The following RAI1 variants were observed in gnomAD, a reference collection of about 807,000 sequenced individuals.
RAI1 encodes retinoic acid-induced protein 1.
RAI1 carries 9 observed loss-of-function variants against 123.8 expected under a neutral mutation model. The observed-to-expected ratio is 0.07, with a 90% confidence interval of 0.04 to 0.13. The LOEUF is 0.13. Ranked by LOEUF, RAI1 falls within the 10% of genes least tolerant of loss-of-function variation. RAI1 has a pLI of 1.00. For synonymous variants in RAI1, 1,231 were observed against 1,127.3 expected, an observed-to-expected ratio of 1.09 and a Z score of -1.84; for missense variants, 2,256 against 2,545.8, an observed-to-expected ratio of 0.89 and a Z score of 2.45.
intron 1 of RAI1, among the ~76,000 whole-genome samples, chr17:17,703,749 T>A (rs1213021016): frequency 3.9e-5 from 6 of 152,188 alleles, no homozygotes. Context: ...CAAACGATCC[T>A]TCCGCCTTGG....
intron 2 of RAI1, among the ~76,000 whole-genome samples, chr17:17,724,469 T>G (rs1466391354): frequency 8.3e-6 from 1 of 120,964 alleles, no homozygotes; most frequent in East Asian, 2.6e-4. Context: ...GATTCCCCCC[T>G]CCCCTTTCCT....
chr17:17,754,287 C>T (rs1785346530), intron 2 of RAI1, among the ~76,000 whole-genome samples: 1 of 149,918 alleles, frequency 6.7e-6, no homozygotes, highest in Non-Finnish European at 1.5e-5. Context: ...TCACCGCAAC[C>T]TCCGCCTCCT....
In RAI1 at chr17:17,795,462, G is replaced by A. The variant is rs1389298358; in HGVS notation, c.2514G>A (p.Leu838=). Residue 838 remains leucine (L), a synonymous_variant, in exon 3 of 6, where the codon CTG becomes CTA. Transcript: ENST00000353383. This position sits in a 1 kb window ranked among gnomAD's most constrained non-coding sequence, Gnocchi z 5.9. Reference sequence around the variant, plus strand: ...AGGTGGCCAAGGCTGACCGGTGGCTGGAGGACAGCCGGCACTGCTGTTCCA... The same window carrying A: ...AGGTGGCCAAGGCTGACCGGTGGCTAGAGGACAGCCGGCACTGCTGTTCCA... ...CPEVAKADRW[L]EDSRHCCSTA... 1.3e-6 allele frequency: 2 copies of A among 1,586,380 alleles called. No individual in the cohort carries two copies. The highest frequency in any genetic ancestry group is 1.3e-5 in the African/African-American group (1 of 74,600).
intron 1 of RAI1, among the ~76,000 whole-genome samples, chr17:17,693,620 C>T (rs1413527362): frequency 6.6e-6 from 1 of 152,242 alleles, no homozygotes; most frequent in African/African-American, 2.4e-5. Context: ...GGCCGCCCCT[C>T]CTTCCCTTCA....
intron 2 of RAI1, chr17:17,778,352 C>T (rs759182781): frequency 6.8e-5 from 16 of 233,628 alleles, no homozygotes; most frequent in Non-Finnish European, 1.0e-4. Flanking sequence ...AACTGGTGGC[C>T]CTGGAAGTTG....
rs1915569694 is a variant in RAI1 at position 17,711,628 on chromosome 17, TTAGAGGACC to T, written c.-148-12396_-148-12388del. Among the ~76,000 whole-genome samples the T allele has an allele frequency of 2.6e-5, 4 of 152,174 alleles. No individual in the cohort carries two copies. In the South Asian group the frequency reaches 8.3e-4, roughly 32 times the overall value. On this transcript the variant is annotated intron_variant, in intron 1 of 5. Coordinates refer to ENST00000353383, the MANE Select transcript of RAI1 (RefSeq NM_030665.4). ...GTCTTGGTACAAGGTGAGGCAAACC[TTAGAGGACC>T]TAGGATGAAGTTTCACGTAAAGGAA... is the stretch of plus-strand genomic sequence containing the variant.
intron 2 of RAI1, among the ~76,000 whole-genome samples, chr17:17,749,593 TC>T (rs1380470422): frequency 1.3e-5 from 2 of 152,076 alleles, no homozygotes; most frequent in African/African-American, 4.8e-5. Context: ...CGCTTCATCT[TC>T]CCCCCCTCTT....
intron 2 of RAI1, among the ~76,000 whole-genome samples, chr17:17,770,314 G>A (rs1441843978): frequency 5.3e-5 from 8 of 149,802 alleles, no homozygotes; most frequent in Admixed American, 2.7e-4. Flanking sequence ...TAATGGCCCC[G>A]AAAAAAAAAC....
intron 1 of RAI1, among the ~76,000 whole-genome samples, chr17:17,722,102 G>A (rs916041069): frequency 6.6e-6 from 1 of 152,146 alleles, no homozygotes; most frequent in Non-Finnish European, 1.5e-5. Flanking sequence ...GGAAGTGGAG[G>A]TGGAGGCCGA....
intron 1 of RAI1, among the ~76,000 whole-genome samples, chr17:17,696,103 A>C (rs1915021374): frequency 1.3e-5 from 2 of 152,216 alleles, no homozygotes; most frequent in African/African-American, 4.8e-5. Context: ...GATTATTGAT[A>C]TGTTGGTTGT....
chr17:17,692,908 C>T (rs973529753), intron 1 of RAI1, among the ~76,000 whole-genome samples: 1 of 152,178 alleles, frequency 6.6e-6, no homozygotes, highest in African/African-American at 2.4e-5. Flanking sequence ...GGGAGCCAGG[C>T]AAGATTGCAA....
At chr17:17,711,097 AC>A (rs765596219) in intron 1 of RAI1, among the ~76,000 whole-genome samples, 2 of 152,220 alleles carry the variant, frequency 1.3e-5, no homozygotes, top group Non-Finnish European at 2.9e-5. Flanking sequence ...GGGCCGCAGT[AC>A]CCGGAAAACC....
At chr17:17,698,505 G>A (rs1036446203) in intron 1 of RAI1, among the ~76,000 whole-genome samples, 1 of 152,086 alleles carries the variant, frequency 6.6e-6, no homozygotes, top group Non-Finnish European at 1.5e-5. Context: ...CCTTTATATT[G>A]AATGTGTCTG....
At chr17:17,719,483 T>G (rs1915810409) in intron 1 of RAI1, among the ~76,000 whole-genome samples, 1 of 152,200 alleles carries the variant, frequency 6.6e-6, no homozygotes, top group African/African-American at 2.4e-5. Context: ...TCAAGTGTGT[T>G]CTCAAATGCT....
intron 2 of RAI1, among the ~76,000 whole-genome samples, chr17:17,789,157 C>T (rs1016430663): frequency 1.3e-5 from 2 of 152,348 alleles, no homozygotes; most frequent in East Asian, 1.9e-4. Flanking sequence ...GAGCCCCTCA[C>T]GGGGGCTCAG....
chr17:17,683,897 A>G (rs1445649291), intron 1 of RAI1: 1 of 152,242 alleles, frequency 6.6e-6, no homozygotes, highest in African/African-American at 2.4e-5. Flanking sequence ...TTTTTGAGAC[A>G]GGGTCTTGCT....
At chr17:17,723,772 CCG>C (rs1348690440) in intron 1 of RAI1, among the ~76,000 whole-genome samples, 1 of 149,742 alleles carries the variant, frequency 6.7e-6, no homozygotes, top group Non-Finnish European at 1.5e-5. Flanking sequence ...GCGCCCCTCC[CCG>C]CGCGCGCCCC....
At chr17:17,767,120 T>G (rs1400726033) in intron 2 of RAI1, among the ~76,000 whole-genome samples, 3 of 152,142 alleles carry the variant, frequency 2.0e-5, no homozygotes, top group Non-Finnish European at 2.9e-5. Flanking sequence ...AGCCCTTTGC[T>G]GGGGTGCACA....
rs372471273 is a variant in RAI1 at position 17,794,912 on chromosome 17, A to T, written c.1964A>T (p.Lys655Met). The change falls in exon 3 of 6, where the codon AAG (lysine) becomes ATG (methionine). Residue 655 changes from lysine (K) to methionine (M), a missense_variant. This residue lies in a region of RAI1 where 566 missense variants were observed against 616.0 expected (regional missense o/e 0.92). Coordinates refer to ENST00000353383, the MANE Select transcript of RAI1 (RefSeq NM_030665.4). ...NHSACLDSVA[K>M]SAWPRPGEPE... Reference sequence around the variant, plus strand: ...AGCGCCTGCCTGGACTCTGTGGCCAAGAGTGCGTGGCCCCGGCCTGGGGAG... The same window carrying T: ...AGCGCCTGCCTGGACTCTGTGGCCATGAGTGCGTGGCCCCGGCCTGGGGAG... 18 of 1,613,498 alleles carry T rather than the reference A, an allele frequency of 1.1e-5. No individual in the cohort carries two copies. The highest frequency in any genetic ancestry group is 1.4e-5 in the Non-Finnish European group (17 of 1,180,038).
Sources: allele counts gnomAD v4.1 joint callset (sites outside exome capture counted in the v4.1 genomes callset), GRCh38; gene constraint gnomAD v4.1.1; regional missense constraint gnomAD v4.1.1; non-coding constraint Gnocchi (gnomAD v3.1); transcripts MANE v1.5; gene names NCBI Gene and HGNC (gene_info 2026-07-23, HGNC 2026-07-21).